Variants in KIDINS220 observed in about 807,000 individuals in gnomAD.
The protein encoded by KIDINS220 is kinase D interacting substrate 220, also known as kinase D-interacting substrate of 220 kDa.
A neutral mutation model predicts 157.6 loss-of-function variants in KIDINS220; 63 were observed. The ratio of observed to expected loss-of-function variants is 0.40; its 90% CI spans 0.33 to 0.49. The LOEUF (loss-of-function observed/expected upper bound fraction) is 0.49, where lower values mean the gene tolerates loss of function less well. KIDINS220 is among the 20% of genes least tolerant of loss of function. The pLI, the probability that KIDINS220 is intolerant of heterozygous loss-of-function variation, is 0.66. For missense variants in KIDINS220, 1,772 were observed against 2,171.2 expected (o/e 0.82, Z 3.65); for synonymous variants, 732 against 783.6 (o/e 0.93, Z 1.10).
At chr2:8,781,508 C>A (rs999968367) in intron 17 of KIDINS220, among the ~76,000 whole-genome samples, 2 of 151,908 alleles carry the variant, frequency 1.3e-5, no homozygotes, top group African/African-American at 4.8e-5. Context: ...CCAAGATGGA[C>A]CACATTCTGA....
intron 22 of KIDINS220, among the ~76,000 whole-genome samples, chr2:8,753,225 CA>C (rs560393132): frequency 0.037 from 5,429 of 146,110 alleles, 316 homozygotes; most frequent in African/African-American, 0.12. Context: ...ACTACTCAGC[CA>C]AAAAAAAAAT....
intron 15 of KIDINS220, among the ~76,000 whole-genome samples, chr2:8,786,670 T>C (rs767277873): frequency 6.6e-5 from 10 of 152,054 alleles, no homozygotes; most frequent in Non-Finnish European, 1.5e-4. Flanking sequence ...CCCCAACAGA[T>C]CTCACGACAT....
intron 22 of KIDINS220, among the ~76,000 whole-genome samples, chr2:8,769,176 A>G (rs997600083): frequency 6.6e-6 from 1 of 152,212 alleles, no homozygotes; most frequent in African/African-American, 2.4e-5. Flanking sequence ...GCAAGAATAC[A>G]TAAGGCACCT....
Position 8,806,211 on chromosome 2 carries a change from C to A in KIDINS220, c.603+60G>T, listed in dbSNP as rs73151212. On this transcript the variant is annotated intron_variant, in intron 7 of 29. Transcript: ENST00000256707. ...TAGGCATACACTAAAGAAATAAATT[C>A]TCTCTCTTAAAATAAAAAACATGTT... 14,482 of 1,247,504 alleles carry A rather than the reference C, an allele frequency of 0.012. 1,255 individuals are homozygous for A. In the African/African-American group the frequency reaches 0.19, roughly 16 times the overall value. 77.3% of individuals were successfully genotyped at this position (1,247,504 alleles called of 1,614,324 possible).
chr2:8,768,864 T>G (rs1336818336), intron 22 of KIDINS220, among the ~76,000 whole-genome samples: 3 of 152,170 alleles, frequency 2.0e-5, no homozygotes, highest in Non-Finnish European at 4.4e-5. Context: ...CAAATCCTTA[T>G]TATATATAAT....
At position 8,802,939 on chromosome 2, in the gene KIDINS220, T is replaced by C. The variant is rs753882561; in HGVS notation, c.792A>G (p.Ile264Met). 6.8e-6 allele frequency: 11 copies of C among 1,613,644 alleles called. No homozygotes were observed. The highest frequency in any genetic ancestry group is 9.3e-6 in the Non-Finnish European group (11 of 1,179,840). The change falls in exon 8 of 30, where the codon ATA (isoleucine) becomes ATG (methionine). Residue 264 changes from isoleucine to methionine, a missense_variant. Transcript: ENST00000256707. Reference sequence around the variant, plus strand: ...GAAATAGATGACCTACCCTGTCAGGTATGTTCACATATGTTCCAGCGTCGA... The same window carrying C: ...GAAATAGATGACCTACCCTGTCAGGCATGTTCACATATGTTCCAGCGTCGA... ...DLLDAGTYVN[I>M]PDRSGDTVLI...
intron 29 of KIDINS220, among the ~76,000 whole-genome samples, chr2:8,732,858 C>A (rs770047368): frequency 6.6e-6 from 1 of 152,132 alleles, no homozygotes; most frequent in African/African-American, 2.4e-5. Flanking sequence ...TTTCCTCCTG[C>A]GCTCTCCTCA....
chr2:8,747,907 TG>T lies in KIDINS220; in HGVS notation c.3507del (p.Arg1170GlufsTer7). Reference protein sequence around the residue: ...ISRPSVKTSLPRDQNNGLEVI... With the variant: ...ISRPSVKTSLXRDQNNGLEVI... ...CTTACTAGGCCATTGTTCTGATCTC[TG>T]GGCAAACTCGTTTTTACTGATGGAC... On this transcript the variant is annotated frameshift_variant, in exon 25 of 30. Transcript: ENST00000256707. LOFTEE classifies it high-confidence loss of function. 1 of 1,604,048 alleles carries T rather than the reference TG, an allele frequency of 6.2e-7. No individual in the cohort carries two copies. Among genetic ancestry groups the T allele is most frequent in the South Asian group, 1.1e-5 (1 of 89,508 alleles).
chr2:8,728,160 T>C (rs1232118906), downstream of KIDINS220, among the ~76,000 whole-genome samples: 4 of 152,032 alleles, frequency 2.6e-5, no homozygotes, highest in Middle Eastern at 3.2e-3. Context: ...CTGGGCAACA[T>C]AGCAAGGCTG....
Position 8,802,991 on chromosome 2 carries a change from C to T in KIDINS220, c.740G>A (p.Gly247Glu). The change falls in exon 8 of 30, where the codon GGA (glycine) becomes GAA (glutamate). Residue 247 changes from glycine (G) to glutamate (E), a missense_variant. Physicochemically the swap from Gly to Glu is moderately conservative, Grantham distance 98 (BLOSUM62 -2). Transcript: ENST00000256707. ...NTALMIASKE[G>E]HTEIVQDLLD... Reference sequence around the variant, plus strand: ...CAGATCCTGCACAATCTCCGTATGTCCCTCCTTTGATGCAATCATCAAAGC... The same window carrying T: ...CAGATCCTGCACAATCTCCGTATGTTCCTCCTTTGATGCAATCATCAAAGC... 6.2e-7 allele frequency: 1 copy of T among 1,613,886 alleles called. No homozygotes were observed. Among genetic ancestry groups the T allele is most frequent in the Non-Finnish European group, 8.5e-7 (1 of 1,179,970 alleles).
rs113722679 is a variant in KIDINS220, at chr2:8,757,378, C to A, written c.3012-5734G>T. On this transcript the variant is annotated intron_variant, in intron 22 of 29. Transcript: ENST00000256707. ...AAATATCTATTTTTTATATTTATTA[C>A]TAATGTCACAGTCAGTTCAGTAAAT... 2.1e-3 allele frequency: 2,244 copies of A among 1,087,686 alleles called. 41 individuals carry two copies. The African/African-American group carries it at 0.035, about 17-fold the overall frequency. 67.4% of individuals were successfully genotyped at this position (1,087,686 alleles called of 1,614,324 possible). A position where few individuals can be genotyped will look rare whatever the true frequency, so the allele number is the denominator to read the frequency against.
chr2:8,741,742 T>A (rs1207172229), intron 26 of KIDINS220, among the ~76,000 whole-genome samples: 1 of 152,220 alleles, frequency 6.6e-6, no homozygotes, highest in Non-Finnish European at 1.5e-5. Context: ...AGTTGAAAAT[T>A]GTTTAGGAAA....
At chr2:8,733,376 T>C (rs1357394306) in intron 29 of KIDINS220, 68 bp downstream of exon 29, 4 of 1,308,612 alleles carry the variant, frequency 3.1e-6, no homozygotes, top group African/African-American at 2.9e-5. Context: ...TAAATGCCCA[T>C]ATAATCTCAG....
At chr2:8,779,943 G>T in intron 17 of KIDINS220, 129 bp from the exon 18 acceptor site, 1 of 896,008 alleles carries the variant, frequency 1.1e-6, no homozygotes, top group Non-Finnish European at 1.7e-6. Flanking sequence ...GCTGCCAGTT[G>T]TGCTTCCACT....
chr2:8,738,671 T>C (rs1428270424), intron 26 of KIDINS220, among the ~76,000 whole-genome samples: 1 of 152,174 alleles, frequency 6.6e-6, no homozygotes. Context: ...AAGTGTTAAT[T>C]AAGGTCATGA....
intron 22 of KIDINS220, among the ~76,000 whole-genome samples, chr2:8,762,013 T>A (rs139645778): frequency 1.3e-5 from 2 of 152,236 alleles, no homozygotes; most frequent in Admixed American, 1.3e-4. Flanking sequence ...TTTTGGTAAA[T>A]TGAATTCTTT....
At chr2:8,758,707 T>C (rs577335211) in intron 22 of KIDINS220, among the ~76,000 whole-genome samples, 2 of 152,276 alleles carry the variant, frequency 1.3e-5, no homozygotes, top group South Asian at 4.1e-4. Context: ...CAGCCATAAA[T>C]TTCCCTCTGA....
At chr2:8,725,910 T>A (rs1663256907), downstream of KIDINS220, among the ~76,000 whole-genome samples, 4 of 152,190 alleles carry the variant, frequency 2.6e-5, no homozygotes, top group African/African-American at 7.2e-5. Context: ...ACCACTAGTG[T>A]AAATAACACT....
At chr2:8,826,847 T>A in intron 2 of KIDINS220, 139 bp downstream of exon 2, 1 of 408,660 alleles carries the variant, frequency 2.4e-6, no homozygotes. Context: ...TACTTTTAAC[T>A]ATAAGACATT....
Sources: gnomAD v4.1 joint callset for allele counts (sites outside exome capture counted in the v4.1 genomes callset) on GRCh38, gnomAD v4.1.1 for gene constraint, MANE v1.5 for transcripts, NCBI Gene and HGNC (gene_info 2026-07-23, HGNC 2026-07-21) for gene names.